The following ADK variants were observed in gnomAD, a reference collection of about 807,000 sequenced individuals.
ADK encodes the protein adenosine kinase, also known as N6,N6-dimethyladenosine kinase.
In ADK, 24 loss-of-function variants were observed where a neutral mutation model predicts 44.7. That is an observed-to-expected ratio of 0.54 (90% confidence interval 0.39 to 0.76). The LOEUF is 0.76. Among genes scored for constraint, ADK ranks in the 30% least tolerant of loss-of-function variants. The pLI is 0.00. For missense variants in ADK, 321 were observed against 425.1 expected (o/e 0.76, Z 2.15); for synonymous variants, 128 against 142.6 (o/e 0.90, Z 0.73).
rs549046865 is a variant in ADK at position 74,382,824 on chromosome 10, C to T, written c.274-11317C>T. The stretch of plus-strand genomic sequence containing the variant: ...CTCACTGGCTATATCTGGGTTCTGC[C>T]TACACTCTTCCCTCACTTCCCCTTG... On this transcript the variant is annotated intron_variant, in intron 4 of 10. Coordinates refer to ENST00000539909, the MANE Select transcript of ADK (RefSeq NM_006721.4). Among the ~76,000 whole-genome samples the T allele has an allele frequency of 7.0e-4, 106 of 152,022 alleles. 1 individual carries two copies. Among genetic ancestry groups the T allele is most frequent in the Non-Finnish European group, 4.4e-5 (3 of 67,978 alleles).
At chr10:74,237,927 C>T (rs181631410) in intron 3 of ADK, among the ~76,000 whole-genome samples, 81 of 152,170 alleles carry the variant, frequency 5.3e-4, no homozygotes, top group African/African-American at 1.9e-3. Context: ...GGAGAAACCC[C>T]GTCTCTACTA....
chr10:74,455,972 A>G (rs1342257905), intron 6 of ADK, among the ~76,000 whole-genome samples: 2 of 152,054 alleles, frequency 1.3e-5, no homozygotes, highest in African/African-American at 4.8e-5. Flanking sequence ...TGACGATTAC[A>G]TTGTGTCTGG....
chr10:74,466,395 C>T (rs1846358191), intron 6 of ADK, among the ~76,000 whole-genome samples: 1 of 152,160 alleles, frequency 6.6e-6, no homozygotes, highest in Non-Finnish European at 1.5e-5. Flanking sequence ...TATTCTCTTT[C>T]CCTCTGCCTT....
At chr10:74,549,315 A>C (rs1262060115) in intron 7 of ADK, among the ~76,000 whole-genome samples, 1 of 152,222 alleles carries the variant, frequency 6.6e-6, no homozygotes, top group African/African-American at 2.4e-5. Flanking sequence ...TGAAATCTTC[A>C]TTCATTCACT....
At chr10:74,211,886 CTA>C (rs1274615036) in intron 2 of ADK, among the ~76,000 whole-genome samples, 2 of 151,786 alleles carry the variant, frequency 1.3e-5, no homozygotes, top group Non-Finnish European at 2.9e-5. Flanking sequence ...AAAGTTGTAT[CTA>C]TTGTGTATAT....
Position 74,378,350 on chromosome 10 carries a change from G to A in ADK, c.274-15791G>A, listed in dbSNP as rs200384944. 6.6e-5 allele frequency among the ~76,000 whole-genome samples: 10 copies of A among 151,738 alleles called. No individual in the cohort carries two copies. In the East Asian group the frequency reaches 1.9e-3, roughly 29 times the overall value. On this transcript the variant is annotated intron_variant, in intron 4 of 10. Transcript: ENST00000539909. ...TGCTTTCCCTTTTTTTCATATTTTA[G>A]GCCTTTAATTTTAGGATGTAATTAT... is the stretch of plus-strand genomic sequence containing the variant.
At chr10:74,567,556 C>T (rs542486549) in intron 7 of ADK, among the ~76,000 whole-genome samples, 285 of 152,214 alleles carry the variant, frequency 1.9e-3, no homozygotes, top group African/African-American at 6.6e-3. Context: ...TCAGGACACA[C>T]GTCTCATTTT....
intron 7 of ADK, among the ~76,000 whole-genome samples, chr10:74,581,331 A>G (rs1173300168): frequency 2.0e-5 from 3 of 152,204 alleles, no homozygotes; most frequent in African/African-American, 4.8e-5. Context: ...GTGGCACTAC[A>G]GAAGAAAAGA....
intron 3 of ADK, among the ~76,000 whole-genome samples, chr10:74,253,488 T>C (rs1269740447): frequency 6.6e-6 from 1 of 152,084 alleles, no homozygotes; most frequent in Non-Finnish European, 1.5e-5. Context: ...CTCAATTTAA[T>C]TGGGTGTCTG....
intron 7 of ADK, among the ~76,000 whole-genome samples, chr10:74,584,648 A>T (rs1357562789): frequency 3.3e-5 from 5 of 152,210 alleles, no homozygotes; most frequent in African/African-American, 1.2e-4. Context: ...TTTAGGAGTT[A>T]TAGTATTATT....
chr10:74,167,835 T>G (rs1019936048), intron 1 of ADK, among the ~76,000 whole-genome samples: 1 of 152,248 alleles, frequency 6.6e-6, no homozygotes, highest in Admixed American at 6.5e-5. Flanking sequence ...AAAACATGAC[T>G]GAATTATATA....
At chr10:74,476,310 A>G (rs545310325) in intron 6 of ADK, among the ~76,000 whole-genome samples, 3 of 152,202 alleles carry the variant, frequency 2.0e-5, no homozygotes, top group South Asian at 4.2e-4. Context: ...CCTTACCAAC[A>G]TGGAGAAACT....
At chr10:74,589,039 A>C (rs1450026598) in intron 7 of ADK, among the ~76,000 whole-genome samples, 2 of 152,206 alleles carry the variant, frequency 1.3e-5, no homozygotes. Context: ...GCTACAGTAA[A>C]AACATGTACT....
At chr10:74,319,510 ATTAAT>A (rs1334488608) in intron 4 of ADK, among the ~76,000 whole-genome samples, 1 of 152,130 alleles carries the variant, frequency 6.6e-6, no homozygotes, top group Non-Finnish European at 1.5e-5. Flanking sequence ...TACTGCCCTC[ATTAAT>A]TTAATTACCT....
chr10:74,619,507 T>C (rs755366671), intron 9 of ADK, among the ~76,000 whole-genome samples: 1 of 152,144 alleles, frequency 6.6e-6, no homozygotes, highest in Admixed American at 6.5e-5. Context: ...CTTTTTTATT[T>C]TCTAAAGTAT....
At position 74,677,917 on chromosome 10, in the gene ADK, C is replaced by T. The variant is rs574963840; in HGVS notation, c.964+7648C>T. Among the ~76,000 whole-genome samples the T allele has an allele frequency of 5.0e-5, 6 of 119,700 alleles. No individual in the cohort carries two copies. The East Asian group carries it at 8.6e-4, about 17-fold the overall frequency. 78.5% of individuals were successfully genotyped at this position (119,700 alleles called of 152,430 possible). On this transcript the variant is annotated intron_variant, in intron 10 of 10. Coordinates refer to ENST00000539909, the MANE Select transcript of ADK (RefSeq NM_006721.4). ...CAGAGGCAGGAGGATCACATGAGGC[C>T]GGGATTTCAAGACCAGCCTGCACAG...
At chr10:74,700,992 G>A (rs761600231) in intron 10 of ADK, among the ~76,000 whole-genome samples, 5 of 152,176 alleles carry the variant, frequency 3.3e-5, no homozygotes, top group Non-Finnish European at 7.4e-5. Context: ...GTTACATGCT[G>A]AACACAGTAT....
In ADK at chr10:74,704,806, A is replaced by G. The variant is rs147913843; in HGVS notation, c.965-3515A>G. 3.3e-5 allele frequency among the ~76,000 whole-genome samples: 5 copies of G among 152,370 alleles called. No homozygotes were observed. In the East Asian group the frequency reaches 5.8e-4, roughly 18 times the overall value. ...TAAGGCGTCTAATAGACATGTTTGC[A>G]TTGTAAGCTGATCTGACTCTGAATT... On this transcript the variant is annotated intron_variant, in intron 10 of 10. Transcript: ENST00000539909.
At chr10:74,474,074 A>G (rs771677185) in intron 6 of ADK, among the ~76,000 whole-genome samples, 1 of 152,100 alleles carries the variant, frequency 6.6e-6, no homozygotes, top group Non-Finnish European at 1.5e-5. Flanking sequence ...TAATAATTCA[A>G]ATTCTTTAAG....
Sources: gnomAD v4.1 joint callset for allele counts (sites outside exome capture counted in the v4.1 genomes callset) on GRCh38, gnomAD v4.1.1 for gene constraint, MANE v1.5 for transcripts, NCBI Gene and HGNC (gene_info 2026-07-23, HGNC 2026-07-21) for gene names.